GSTT4: variants seen among roughly 807,000 people sequenced by gnomAD.
The protein encoded by GSTT4 is glutathione S-transferase theta 4, also known as glutathione S-transferase theta-4.
At chr22:23,994,478 G>T (rs1176590688), downstream of GSTT4, among the ~76,000 whole-genome samples, 308 of 124,608 alleles carry the variant, frequency 2.5e-3, no homozygotes, top group Middle Eastern at 8.1e-3. Context: ...ATAGGAAGTA[G>T]CTGCCTATTC....
At chr22:23,995,009 T>C (rs1340142712), downstream of GSTT4, among the ~76,000 whole-genome samples, 2 of 152,212 alleles carry the variant, frequency 1.3e-5, no homozygotes, top group African/African-American at 2.4e-5. Flanking sequence ...CTAGCTCCAA[T>C]GAGGGAGAGG....
the GSTT4 span, among the ~76,000 whole-genome samples, chr22:23,989,717 C>T: frequency 8.6e-5 from 13 of 151,152 alleles, no homozygotes; most frequent in Admixed American, 8.0e-4. Context: ...TTTCTTATGC[C>T]AAACTCTCAA....
intron 4 of GSTT4, among the ~76,000 whole-genome samples, chr22:23,999,217 C>T (rs1018327472): frequency 5.4e-4 from 82 of 151,328 alleles, no homozygotes; most frequent in African/African-American, 1.9e-3. Flanking sequence ...TTGGTTTGCA[C>T]CCAAGATCTT....
downstream of GSTT4, among the ~76,000 whole-genome samples, chr22:23,995,629 T>C (rs770696653): frequency 1.3e-5 from 2 of 152,172 alleles, no homozygotes; most frequent in Non-Finnish European, 2.9e-5. Context: ...CATGTCCATG[T>C]CTATGTTGCC....
At chr22:24,003,362 C>T (rs977945666) in intron 2 of GSTT4, among the ~76,000 whole-genome samples, 11 of 152,232 alleles carry the variant, frequency 7.2e-5, no homozygotes, top group African/African-American at 2.7e-4. Flanking sequence ...AGGTGCAGAC[C>T]ACCATGCTGG....
chr22:24,003,475 A>G, intron 2 of GSTT4, among the ~76,000 whole-genome samples: 1 of 152,290 alleles, frequency 6.6e-6, no homozygotes, highest in Non-Finnish European at 1.5e-5. Context: ...TCAGCCTCTC[A>G]AAGTGCTAGA....
chr22:24,002,987 GT>G (rs1413111401), intron 2 of GSTT4, among the ~76,000 whole-genome samples: 1 of 152,238 alleles, frequency 6.6e-6, no homozygotes, highest in East Asian at 1.9e-4. Context: ...TGGTATCGTA[GT>G]GATGCTACGC....
At chr22:23,998,034 T>C (rs2034135688), downstream of GSTT4, among the ~76,000 whole-genome samples, 1 of 152,230 alleles carries the variant, frequency 6.6e-6, no homozygotes, top group Non-Finnish European at 1.5e-5. Context: ...GAACATACTT[T>C]GTGTGATTTC....
chr22:23,994,045 G>A (rs1385770718), downstream of GSTT4, among the ~76,000 whole-genome samples: 1 of 152,216 alleles, frequency 6.6e-6, no homozygotes, highest in Non-Finnish European at 1.5e-5. Flanking sequence ...GCACTGGACT[G>A]TGGTAGGTCT....
intron 1 of GSTT4, 125 bp from the exon 2 acceptor site, chr22:24,003,972 T>C (rs2034295579): frequency 2.0e-5 from 3 of 153,302 alleles, no homozygotes; most frequent in African/African-American, 4.8e-5. Context: ...CGGAGGGACA[T>C]TGCGTCTCAC....
chr22:23,998,248 G>T (rs2034139899), downstream of GSTT4, among the ~76,000 whole-genome samples: 1 of 150,148 alleles, frequency 6.7e-6, no homozygotes, highest in Non-Finnish European at 1.5e-5. Context: ...TGAAAGTGGG[G>T]TATTGAAGTC....
the GSTT4 span, among the ~76,000 whole-genome samples, chr22:23,990,453 C>CAAAAAAAA: frequency 5.1e-3 from 152 of 29,966 alleles, 36 homozygotes; most frequent in African/African-American, 0.028. Flanking sequence ...CTACACACAC[C>CAAAAAAAA]AAAAAAAAAA....
chr22:23,994,552 A>G (rs573011078), downstream of GSTT4, among the ~76,000 whole-genome samples: 318 of 151,400 alleles, frequency 2.1e-3, 3 homozygotes, highest in African/African-American at 7.4e-3. Context: ...TCTTTCATTT[A>G]GCATAATGGT....
chr22:23,991,580 A>T, the GSTT4 span, among the ~76,000 whole-genome samples: 28,401 of 51,706 alleles, frequency 0.55, 9,862 homozygotes, highest in African/African-American at 0.85. Context: ...TAGGTGAGGG[A>T]TGGGCAGGAA....
downstream of GSTT4, among the ~76,000 whole-genome samples, chr22:23,994,857 T>C (rs1308429839): frequency 6.6e-6 from 1 of 152,022 alleles, no homozygotes; most frequent in Non-Finnish European, 1.5e-5. Context: ...CTCATTCATA[T>C]GCTACCCTTC....
the GSTT4 span, among the ~76,000 whole-genome samples, chr22:23,990,771 TG>T: frequency 1.2e-3 from 111 of 92,634 alleles, 2 homozygotes; most frequent in African/African-American, 3.7e-3. Context: ...AAGATATTCT[TG>T]CCCCACTCCA....
At chr22:24,002,613 G>A (rs562822797) in intron 2 of GSTT4, among the ~76,000 whole-genome samples, 1 of 152,316 alleles carries the variant, frequency 6.6e-6, no homozygotes, top group East Asian at 1.9e-4. Flanking sequence ...GGGGGATCAT[G>A]GGGTCAGGAG....
downstream of GSTT4, among the ~76,000 whole-genome samples, chr22:23,994,088 GCTTT>G (rs1339443942): frequency 2.6e-5 from 4 of 152,170 alleles, no homozygotes; most frequent in Non-Finnish European, 4.4e-5. Flanking sequence ...AGGGCTTTTA[GCTTT>G]CTTTGTTTTT....
At chr22:23,999,810 C>T (rs1215441192) in intron 4 of GSTT4, among the ~76,000 whole-genome samples, 1 of 151,080 alleles carries the variant, frequency 6.6e-6, no homozygotes, top group African/African-American at 2.4e-5. Context: ...GTGTTCTTCT[C>T]TATCCCAGGC....
Sources: allele counts gnomAD v4.1 joint callset (sites outside exome capture counted in the v4.1 genomes callset), GRCh38; gene constraint gnomAD v4.1.1; transcripts MANE v1.5; gene names NCBI Gene and HGNC (gene_info 2026-07-23, HGNC 2026-07-21).